SDK1: variants seen among roughly 807,000 people sequenced by gnomAD.
SDK1 encodes protein sidekick-1.
A neutral mutation model predicts 245.5 loss-of-function variants in SDK1; 157 were observed. The ratio of observed to expected loss-of-function variants is 0.64; its 90% CI spans 0.56 to 0.73. The LOEUF (loss-of-function observed/expected upper bound fraction) is 0.73, where lower values mean the gene tolerates loss of function less well. SDK1 is among the 30% of genes least tolerant of loss of function. The pLI, the probability that SDK1 is intolerant of heterozygous loss-of-function variation, is 0.00. For missense variants in SDK1, 3,583 were observed against 3,002.3 expected, an observed-to-expected ratio of 1.19 and a Z score of -4.52; for synonymous variants, 1,647 against 1,278.5, an observed-to-expected ratio of 1.29 and a Z score of -6.15.
intron 4 of SDK1, among the ~76,000 whole-genome samples, chr7:3,811,311 G>A (rs188324287): frequency 3.9e-5 from 6 of 152,252 alleles, no homozygotes; most frequent in East Asian, 1.9e-4. Context: ...TTGCCTGATC[G>A]CGTTAAGGGC....
At chr7:3,860,621 T>C (rs777141024) in intron 5 of SDK1, among the ~76,000 whole-genome samples, 3 of 152,298 alleles carry the variant, frequency 2.0e-5, no homozygotes, top group Non-Finnish European at 2.9e-5. Flanking sequence ...AAATAACTTT[T>C]ATTTGAGGGA....
chr7:3,853,634 A>C (rs1030059901), intron 5 of SDK1, among the ~76,000 whole-genome samples: 3 of 152,242 alleles, frequency 2.0e-5, no homozygotes, highest in East Asian at 1.9e-4. Flanking sequence ...CTGGAAATCC[A>C]AAATCCCAAA....
chr7:3,997,413 G>A (rs183158954), intron 14 of SDK1, among the ~76,000 whole-genome samples: 9 of 151,974 alleles, frequency 5.9e-5, no homozygotes, highest in Admixed American at 2.0e-4. Context: ...GAATTTAGGT[G>A]TGTTATATAC....
intron 14 of SDK1, among the ~76,000 whole-genome samples, chr7:3,998,113 T>C (rs1251812881): frequency 6.6e-6 from 1 of 152,116 alleles, no homozygotes; most frequent in Non-Finnish European, 1.5e-5. Flanking sequence ...AGCCACGACT[T>C]GGGCAGGGCT....
chr7:3,461,398 T>C (rs1780827667), intron 1 of SDK1, among the ~76,000 whole-genome samples: 2 of 152,194 alleles, frequency 1.3e-5, no homozygotes, highest in African/African-American at 4.8e-5. Context: ...ATATCAAATT[T>C]TAGATAACAC....
At chr7:3,940,961 G>A (rs979015350) in intron 5 of SDK1, among the ~76,000 whole-genome samples, 9 of 151,626 alleles carry the variant, frequency 5.9e-5, no homozygotes, top group Non-Finnish European at 1.5e-5. Context: ...CTGAACCTGC[G>A]CACCTGGGTA....
chr7:3,329,757 A>G (rs1780022992), intron 1 of SDK1, among the ~76,000 whole-genome samples: 1 of 152,220 alleles, frequency 6.6e-6, no homozygotes, highest in East Asian at 1.9e-4. Context: ...ACAGATTAAG[A>G]ATACTTAAAA....
At chr7:3,449,180 G>T (rs1307943166) in intron 1 of SDK1, among the ~76,000 whole-genome samples, 3 of 152,164 alleles carry the variant, frequency 2.0e-5, no homozygotes, top group African/African-American at 7.2e-5. Context: ...AAAGCTGTGT[G>T]TCACGTTTTG....
chr7:4,221,519 C>T (rs1268922139), intron 40 of SDK1, among the ~76,000 whole-genome samples, 155 bp downstream of exon 40: 1 of 152,208 alleles, frequency 6.6e-6, no homozygotes, highest in Non-Finnish European at 1.5e-5. Flanking sequence ...ACATCCATGG[C>T]TCACTCAGCT....
At chr7:3,346,952 T>C (rs929569550) in intron 1 of SDK1, among the ~76,000 whole-genome samples, 1 of 148,676 alleles carries the variant, frequency 6.7e-6, no homozygotes, top group African/African-American at 2.5e-5. Flanking sequence ...ATTATAGGCA[T>C]GAGCTACTGC....
intron 5 of SDK1, among the ~76,000 whole-genome samples, chr7:3,945,175 C>G (rs190802127): frequency 6.4e-4 from 98 of 152,212 alleles, no homozygotes; most frequent in Non-Finnish European, 1.2e-3. Context: ...AATACTTAAG[C>G]TAGATTAAAA....
At chr7:3,375,222 A>G (rs10273728) in intron 1 of SDK1, among the ~76,000 whole-genome samples, 74,634 of 151,894 alleles carry the variant, frequency 0.49, 19,666 homozygotes, top group South Asian at 0.63. Context: ...AATTTTAGAA[A>G]ACAAACACTA....
intron 5 of SDK1, among the ~76,000 whole-genome samples, chr7:3,837,294 C>A (rs1780049449): frequency 3.3e-5 from 5 of 152,150 alleles, no homozygotes; most frequent in Non-Finnish European, 7.3e-5. Context: ...CCACACAATA[C>A]CTTAAAAATA....
chr7:3,551,522 A>G (rs1562557292), intron 1 of SDK1, among the ~76,000 whole-genome samples: 1 of 151,658 alleles, frequency 6.6e-6, no homozygotes, highest in Non-Finnish European at 1.5e-5. Context: ...TAAGTTGTGC[A>G]TCAGTTAAAC....
At chr7:3,425,501 C>T (rs1244562490) in intron 1 of SDK1, among the ~76,000 whole-genome samples, 1 of 152,080 alleles carries the variant, frequency 6.6e-6, no homozygotes, top group African/African-American at 2.4e-5. Flanking sequence ...ATTTGTTTTT[C>T]TTCTGTTAGA....
intron 22 of SDK1, among the ~76,000 whole-genome samples, chr7:4,090,093 A>G (rs886702727): frequency 1.3e-5 from 2 of 152,056 alleles, no homozygotes; most frequent in African/African-American, 4.8e-5. Context: ...CTCCTGCTAC[A>G]CCTTGTTGGG....
At chr7:3,401,721 T>C (rs1195801061) in intron 1 of SDK1, among the ~76,000 whole-genome samples, 1 of 152,170 alleles carries the variant, frequency 6.6e-6, no homozygotes, top group African/African-American at 2.4e-5. Context: ...ATAATGCTAC[T>C]GATGTGTAAT....
intron 5 of SDK1, among the ~76,000 whole-genome samples, chr7:3,859,726 AG>A (rs146411889): frequency 1.2e-4 from 19 of 152,310 alleles, no homozygotes; most frequent in African/African-American, 4.6e-4. Context: ...AGTGATTTTC[AG>A]GGGTTAAGTC....
At chr7:3,517,268 CTATT>C (rs377192931) in intron 1 of SDK1, among the ~76,000 whole-genome samples, 1 of 152,064 alleles carries the variant, frequency 6.6e-6, no homozygotes, top group Non-Finnish European at 1.5e-5. Flanking sequence ...CAGTTATTCC[CTATT>C]TATTATTCAT....
Sources: allele counts gnomAD v4.1 joint callset (sites outside exome capture counted in the v4.1 genomes callset), GRCh38; gene constraint gnomAD v4.1.1; transcripts MANE v1.5; gene names NCBI Gene and HGNC (gene_info 2026-07-23, HGNC 2026-07-21).